The following LRMDA variants were observed in gnomAD, a reference collection of about 807,000 sequenced individuals.
LRMDA encodes leucine rich melanocyte differentiation associated.
In LRMDA, 18 loss-of-function variants were observed where a neutral mutation model predicts 29.8. The observed-to-expected ratio is 0.60, with a 90% CI of 0.42 to 0.90. LRMDA has a LOEUF of 0.90. LRMDA is among the 40% of genes least tolerant of loss of function. LRMDA has a pLI of 0.00. For missense variants in LRMDA, 273 were observed against 273.9 expected, an observed-to-expected ratio of 1.00 and a Z score of 0.02; for synonymous variants, 125 against 109.4, an observed-to-expected ratio of 1.14 and a Z score of -0.89.
chr10:76,219,956 C>A (rs1041875967), intron 5 of LRMDA, among the ~76,000 whole-genome samples: 3 of 152,116 alleles, frequency 2.0e-5, no homozygotes, highest in African/African-American at 7.2e-5. Context: ...ACTCAGGATT[C>A]AGAAACTCAC....
At chr10:75,608,723 A>G (rs929714705) in intron 2 of LRMDA, among the ~76,000 whole-genome samples, 1 of 152,324 alleles carries the variant, frequency 6.6e-6, no homozygotes, top group South Asian at 2.1e-4. Flanking sequence ...GCAGTGGTAT[A>G]TTGTGAGCCT....
chr10:75,464,133 T>C (rs1844624433), intron 2 of LRMDA, among the ~76,000 whole-genome samples: 1 of 152,210 alleles, frequency 6.6e-6, no homozygotes, highest in Non-Finnish European at 1.5e-5. Flanking sequence ...CAAAAAATTA[T>C]TTCTGTAGAA....
intron 2 of LRMDA, among the ~76,000 whole-genome samples, chr10:75,690,386 C>T (rs1038775992): frequency 6.6e-6 from 1 of 152,156 alleles, no homozygotes; most frequent in Non-Finnish European, 1.5e-5. Flanking sequence ...CTTATTGCAG[C>T]CTCAAACTCT....
intron 5 of LRMDA, among the ~76,000 whole-genome samples, chr10:76,219,992 C>G (rs1012881468): frequency 6.6e-6 from 1 of 152,218 alleles, no homozygotes; most frequent in Non-Finnish European, 1.5e-5. Flanking sequence ...TACATGGAAA[C>G]TGAACAACCT....
At chr10:76,055,195 G>A (rs1349281027) in intron 4 of LRMDA, among the ~76,000 whole-genome samples, 1 of 151,690 alleles carries the variant, frequency 6.6e-6, no homozygotes, top group Non-Finnish European at 1.5e-5. Context: ...AGGGAAGGCA[G>A]AACCCAGGGT....
chr10:76,052,046 C>T (rs1386811454), intron 4 of LRMDA, among the ~76,000 whole-genome samples: 1 of 152,184 alleles, frequency 6.6e-6, no homozygotes, highest in African/African-American at 2.4e-5. Flanking sequence ...AGTGAGGAAG[C>T]ATGATGTTTT....
intron 5 of LRMDA, among the ~76,000 whole-genome samples, chr10:76,176,030 C>T (rs973259384): frequency 2.6e-5 from 4 of 152,302 alleles, no homozygotes; most frequent in African/African-American, 4.8e-5. Context: ...GCCTGCCAGA[C>T]GGTGGGCTGC....
chr10:76,408,136 G>A (rs1005768044), intron 6 of LRMDA, among the ~76,000 whole-genome samples: 1 of 152,188 alleles, frequency 6.6e-6, no homozygotes, highest in African/African-American at 2.4e-5. Flanking sequence ...GAACAATTGG[G>A]TTTTGATGAG....
chr10:75,773,407 T>A (rs1205989704), intron 2 of LRMDA, among the ~76,000 whole-genome samples: 1 of 152,102 alleles, frequency 6.6e-6, no homozygotes, highest in African/African-American at 2.4e-5. Context: ...GGGAAGGAAG[T>A]TTGTGACTCA....
chr10:76,021,263 C>T (rs1326048601), intron 2 of LRMDA, among the ~76,000 whole-genome samples: 3 of 152,080 alleles, frequency 2.0e-5, no homozygotes, highest in African/African-American at 4.8e-5. Context: ...TACCTTGACC[C>T]GTAGTTGTGA....
intron 5 of LRMDA, among the ~76,000 whole-genome samples, chr10:76,198,416 T>C (rs528553119): frequency 6.6e-6 from 1 of 152,336 alleles, no homozygotes; most frequent in East Asian, 1.9e-4. Context: ...CAAAGGCTTT[T>C]TCCATTCCCT....
At chr10:75,947,574 G>C (rs1202641812) in intron 2 of LRMDA, among the ~76,000 whole-genome samples, 1 of 152,190 alleles carries the variant, frequency 6.6e-6, no homozygotes, top group Non-Finnish European at 1.5e-5. Flanking sequence ...TTTGAGTCCT[G>C]GGTCTACCCC....
chr10:75,880,777 GT>G (rs750170689), intron 2 of LRMDA, among the ~76,000 whole-genome samples: 3 of 152,174 alleles, frequency 2.0e-5, no homozygotes, highest in Non-Finnish European at 4.4e-5. Context: ...AAGGATCCAT[GT>G]TCTTCCTGCA....
At chr10:75,818,339 A>T (rs1189309885) in intron 2 of LRMDA, among the ~76,000 whole-genome samples, 1 of 152,180 alleles carries the variant, frequency 6.6e-6, no homozygotes, top group Non-Finnish European at 1.5e-5. Context: ...AAGATAAATC[A>T]TAACTGTCAT....
intron 2 of LRMDA, among the ~76,000 whole-genome samples, chr10:76,007,871 A>G (rs1282439118): frequency 2.6e-5 from 4 of 152,146 alleles, no homozygotes; most frequent in Non-Finnish European, 4.4e-5. Context: ...TTTAAAACCA[A>G]TGGTCATGAT....
intron 2 of LRMDA, among the ~76,000 whole-genome samples, chr10:75,921,242 TG>T (rs1846021022): frequency 6.6e-6 from 1 of 152,202 alleles, no homozygotes; most frequent in Non-Finnish European, 1.5e-5. Flanking sequence ...TACTTTGTAT[TG>T]GGTAGTGTGT....
At chr10:75,798,631 G>T (rs78943760) in intron 2 of LRMDA, among the ~76,000 whole-genome samples, 2,049 of 151,848 alleles carry the variant, frequency 0.013, 54 homozygotes, top group African/African-American at 0.047. Context: ...TATAATTTGC[G>T]CTGCATCCAT....
intron 5 of LRMDA, among the ~76,000 whole-genome samples, chr10:76,189,091 C>T (rs1420104545): frequency 6.6e-6 from 1 of 152,156 alleles, no homozygotes; most frequent in Non-Finnish European, 1.5e-5. Context: ...GGCGTGGTGA[C>T]TCATGCCTGT....
At chr10:75,883,603 T>C (rs1297400019) in intron 2 of LRMDA, 1 of 152,144 alleles carries the variant, frequency 6.6e-6, no homozygotes, top group Non-Finnish European at 1.5e-5. Flanking sequence ...TATCACATGA[T>C]GGATTTTTGC....
Sources: gnomAD v4.1 joint callset for allele counts (sites outside exome capture counted in the v4.1 genomes callset) on GRCh38, gnomAD v4.1.1 for gene constraint, MANE v1.5 for transcripts, NCBI Gene and HGNC (gene_info 2026-07-23, HGNC 2026-07-21) for gene names.